The following UGT2B17 variants were observed in gnomAD, a reference collection of about 807,000 sequenced individuals.
The protein encoded by UGT2B17 is UDP glucuronosyltransferase family 2 member B17.
UGT2B17 carries 21 observed loss-of-function variants against 48.2 expected under a neutral mutation model. The observed-to-expected ratio is 0.44, with a 90% confidence interval of 0.31 to 0.63. The LOEUF (loss-of-function observed/expected upper bound fraction) is 0.63, where lower values mean the gene tolerates loss of function less well. Ranked by LOEUF, UGT2B17 falls within the 20% of genes least tolerant of loss-of-function variation. UGT2B17 has a pLI of 0.08. For synonymous variants in UGT2B17, 146 were observed against 238.4 expected (o/e 0.61, Z 3.57); for missense variants, 402 against 696.1 (o/e 0.58, Z 4.75).
rs1392624532 is a variant in UGT2B17, at chr4:68,548,527, T to A, written c.1313+2150A>T. On this transcript the variant is annotated intron_variant, in intron 6 of 6. Coordinates refer to ENST00000317746, the MANE Select transcript of UGT2B17 (RefSeq NM_001077.4). The stretch of plus-strand genomic sequence containing the variant: ...CCAACATGGCACATGTATACATATG[T>A]AGCAAAGCTGCACCTTGTGCACAGA... 1.6e-5 allele frequency among the ~76,000 whole-genome samples: 2 copies of A among 125,000 alleles called. 1 individual carries two copies. The allele number at this position is 125,000 out of a possible 152,430, so 82.0% of individuals were successfully genotyped here.
At chr4:68,557,088 G>T (rs1731016283) in intron 4 of UGT2B17, among the ~76,000 whole-genome samples, 1 of 124,364 alleles carries the variant, frequency 8.0e-6, no homozygotes, top group African/African-American at 2.7e-5. Flanking sequence ...TATGTTATTG[G>T]CATGTGTTCC....
At chr4:68,537,973 A>G in intron 6 of UGT2B17, 69 bp from the exon 7 acceptor site, 1 of 1,113,684 alleles carries the variant, frequency 9.0e-7, no homozygotes, top group Non-Finnish European at 1.2e-6. Flanking sequence ...AAGTCTATGG[A>G]TGGTCTTTGA....
chr4:68,558,039 T>C lies in UGT2B17; in HGVS notation c.1005+2498A>G, dbSNP rs1731033605. ...TTGCCTCAGCTTTAAAAAAGTCCTA[T>C]CTGAGATTCTTTCTATAAGACAAAG... On this transcript the variant is annotated intron_variant, in intron 4 of 6. Coordinates refer to ENST00000317746, the MANE Select transcript of UGT2B17 (RefSeq NM_001077.4). Among the ~76,000 whole-genome samples, 5 of 124,454 alleles carry C rather than the reference T, an allele frequency of 4.0e-5. 2 individuals are homozygous for C. In the South Asian group the frequency reaches 1.9e-3, roughly 47 times the overall value. The allele number at this position is 124,454 out of a possible 152,430, so 81.6% of individuals were successfully genotyped here.
At chr4:68,562,871 C>A (rs1392160630) in intron 3 of UGT2B17, among the ~76,000 whole-genome samples, 1 of 125,978 alleles carries the variant, frequency 7.9e-6, no homozygotes, top group African/African-American at 2.7e-5. Flanking sequence ...TTGTTCTACT[C>A]ATCATTCTGT....
rs1473733749 is a variant in UGT2B17 at position 68,553,585 on chromosome 4, T to C, written c.1006-1674A>G. Among the ~76,000 whole-genome samples, 4 of 125,322 alleles carry C rather than the reference T, an allele frequency of 3.2e-5. 1 individual carries two copies. The highest frequency in any genetic ancestry group is 6.8e-5 in the Non-Finnish European group (4 of 59,132). 82.2% of individuals were successfully genotyped at this position (125,322 alleles called of 152,430 possible). A position where few individuals can be genotyped will look rare whatever the true frequency, so the allele number is the denominator to read the frequency against. On this transcript the variant is annotated intron_variant, in intron 4 of 6. Transcript: ENST00000317746. Reference sequence around the variant, plus strand: ...TGACCTGATCTCTTTGGCTTCGAGATTACCACAGATTACCTTGTACTGTGA... The same window carrying C: ...TGACCTGATCTCTTTGGCTTCGAGACTACCACAGATTACCTTGTACTGTGA...
intron 3 of UGT2B17, among the ~76,000 whole-genome samples, chr4:68,561,665 G>T (rs1731105639): frequency 8.2e-6 from 1 of 122,384 alleles, no homozygotes; most frequent in Admixed American, 8.5e-5. Flanking sequence ...TGAAGCTCCT[G>T]GTAAATATGT....
At position 68,547,495 on chromosome 4, in the gene UGT2B17, C is replaced by T. The variant is rs1250439705; in HGVS notation, c.1313+3182G>A. Among the ~76,000 whole-genome samples the T allele has an allele frequency of 1.6e-5, 2 of 124,270 alleles. 1 individual carries two copies. Among genetic ancestry groups the T allele is most frequent in the East Asian group, 1.6e-3 (2 of 1,262 alleles). 81.5% of individuals were successfully genotyped at this position (124,270 alleles called of 152,430 possible). A position where few individuals can be genotyped will look rare whatever the true frequency, so the allele number is the denominator to read the frequency against. ...CTCTAGAAGAAAACCTAGGCAATAC[C>T]ATTCAGGACATAGGCATGGGCAAGG... On this transcript the variant is annotated intron_variant, in intron 6 of 6. Coordinates refer to ENST00000317746, the MANE Select transcript of UGT2B17 (RefSeq NM_001077.4).
In UGT2B17 at chr4:68,554,474, T is replaced by C. The variant is rs1730967688; in HGVS notation, c.1006-2563A>G. On this transcript the variant is annotated intron_variant, in intron 4 of 6. Transcript: ENST00000317746. ...TTTATTCTTGCTTTAAATTTGCTTT[T>C]ATTTTTCTATTAAGTTAAAAACCAC... Among the ~76,000 whole-genome samples the C allele has an allele frequency of 1.6e-5, 2 of 125,892 alleles. 1 individual carries two copies. Among genetic ancestry groups the C allele is most frequent in the Non-Finnish European group, 3.4e-5 (2 of 59,546 alleles). 82.6% of individuals were successfully genotyped at this position (125,892 alleles called of 152,430 possible).
At chr4:68,567,074 T>A (rs1731213814) in intron 2 of UGT2B17, among the ~76,000 whole-genome samples, 1 of 125,958 alleles carries the variant, frequency 7.9e-6, no homozygotes, top group Admixed American at 8.2e-5. Context: ...TTTATTGACA[T>A]AGAGATATGT....
chr4:68,562,872 A>T lies in UGT2B17; in HGVS notation c.874-2204T>A, dbSNP rs1207687185. Among the ~76,000 whole-genome samples the T allele has an allele frequency of 2.4e-5, 3 of 126,024 alleles. 1 individual carries two copies. The allele number at this position is 126,024 out of a possible 152,430, so 82.7% of individuals were successfully genotyped here. On this transcript the variant is annotated intron_variant, in intron 3 of 6. Coordinates refer to ENST00000317746, the MANE Select transcript of UGT2B17 (RefSeq NM_001077.4). Reference sequence around the variant, plus strand: ...AAAAAATTGTGATCTTGTTCTACTCATCATTCTGTTCCTTAGTTTCCAACT... The same window carrying T: ...AAAAAATTGTGATCTTGTTCTACTCTTCATTCTGTTCCTTAGTTTCCAACT...
rs1436370515 is a variant in UGT2B17 at position 68,549,086 on chromosome 4, T to G, written c.1313+1591A>C. Among the ~76,000 whole-genome samples the G allele has an allele frequency of 1.6e-5, 2 of 125,358 alleles. 1 individual carries two copies. The highest frequency in any genetic ancestry group is 3.4e-5 in the Non-Finnish European group (2 of 59,468). 82.2% of individuals were successfully genotyped at this position (125,358 alleles called of 152,430 possible). On this transcript the variant is annotated intron_variant, in intron 6 of 6. Transcript: ENST00000317746. ...GTTTTCTAACCTGTTTTCTGTTTCT[T>G]TGCTTTTTTACTTTATTTGAAGTAT...
Position 68,568,384 on chromosome 4 carries a change from C to G in UGT2B17, c.101G>C (p.Ser34Thr). 1 of 1,380,248 alleles carries G rather than the reference C, an allele frequency of 7.2e-7. No individual in the cohort carries two copies. Among genetic ancestry groups the G allele is most frequent in the Non-Finnish European group, 9.5e-7 (1 of 1,055,274 alleles). The allele number at this position is 1,380,248 out of a possible 1,614,324, so 85.5% of individuals were successfully genotyped here. Residue 34 changes from serine to threonine, a missense_variant, in exon 2 of 7, where the codon AGC becomes ACC. Ser to Thr is a moderately conservative substitution (Grantham distance 58). Around this residue, in one of 5 missense-constraint regions of UGT2B17, gnomAD observed 51 missense variants for 108.7 expected, o/e 0.47. Coordinates refer to ENST00000317746, the MANE Select transcript of UGT2B17 (RefSeq NM_001077.4). ...GATTGTCTTCATATTTATCCAATGG[C>G]TGTATTCTGTGGGCCACACCAGCAC... ...GKVLVWPTEYSHWINMKTILE... is the reference protein window; with the variant it reads ...GKVLVWPTEYTHWINMKTILE...
rs1207821333 is a variant in UGT2B17 at position 68,557,514 on chromosome 4, C to CTTTGT, written c.1005+3018_1005+3022dup. Among the ~76,000 whole-genome samples, 2 of 121,584 alleles carry CTTTGT rather than the reference C, an allele frequency of 1.6e-5. 1 individual carries two copies. The highest frequency in any genetic ancestry group is 1.7e-4 in the Admixed American group (2 of 11,942). The allele number at this position is 121,584 out of a possible 152,430, so 79.8% of individuals were successfully genotyped here. A position where few individuals can be genotyped will look rare whatever the true frequency, so the allele number is the denominator to read the frequency against. ...GACTTTGCTTAAAACATTGCTGATCCTTTGTTTTGTTTTGTTTTTTTTTTT... is the reference window on the plus strand; with the variant it reads ...GACTTTGCTTAAAACATTGCTGATCCTTTGTTTTGTTTTGTTTTGTTTTTTTTTTT... On this transcript the variant is annotated intron_variant, in intron 4 of 6. Transcript: ENST00000317746.
At position 68,554,898 on chromosome 4, in the gene UGT2B17, G is replaced by A. The variant is rs1011255160; in HGVS notation, c.1006-2987C>T. On this transcript the variant is annotated intron_variant, in intron 4 of 6. Transcript: ENST00000317746. ...AGGAGTTTTTATAAACCTGTAAGAT[G>A]TACTTCTGTTGGCATGCTTACTACA... Among the ~76,000 whole-genome samples, 5 of 125,016 alleles carry A rather than the reference G, an allele frequency of 4.0e-5. 2 individuals are homozygous for A. Among genetic ancestry groups the A allele is most frequent in the Non-Finnish European group, 5.1e-5 (3 of 59,200 alleles). 82.0% of individuals were successfully genotyped at this position (125,016 alleles called of 152,430 possible). A position where few individuals can be genotyped will look rare whatever the true frequency, so the allele number is the denominator to read the frequency against.
chr4:68,543,188 C>A (rs1355201799), intron 6 of UGT2B17, among the ~76,000 whole-genome samples: 2 of 125,834 alleles, frequency 1.6e-5, no homozygotes, highest in Admixed American at 8.1e-5. Context: ...AGGCACCCCC[C>A]AGTAGGGGCA....
chr4:68,557,705 A>G (rs1731027762), intron 4 of UGT2B17, among the ~76,000 whole-genome samples: 3 of 127,658 alleles, frequency 2.4e-5, no homozygotes, highest in Non-Finnish European at 1.7e-5. Context: ...TTATTTGCAT[A>G]AGTGCAATAA....
chr4:68,571,099 C>T (rs1236825474), intron 1 of UGT2B17, among the ~76,000 whole-genome samples: 4 of 125,078 alleles, frequency 3.2e-5, no homozygotes, highest in Non-Finnish European at 6.7e-5. Context: ...CAGCTTGTAA[C>T]CATATGATTC....
intron 4 of UGT2B17, among the ~76,000 whole-genome samples, chr4:68,559,281 A>G (rs1731059904): frequency 7.9e-6 from 1 of 126,356 alleles, no homozygotes; most frequent in Non-Finnish European, 1.7e-5. Context: ...TAGTAAATTC[A>G]GACTATTATC....
rs187393351 is a variant in UGT2B17, at chr4:68,540,809, C to T, written c.1314-2905G>A. On this transcript the variant is annotated intron_variant, in intron 6 of 6. Coordinates refer to ENST00000317746, the MANE Select transcript of UGT2B17 (RefSeq NM_001077.4). ...ATACTCTCACTCCCATTCCATGCCC[C>T]GAATGGCCCCGGTGTGTTTTGCTCC... Among the ~76,000 whole-genome samples the T allele has an allele frequency of 3.1e-4, 39 of 124,366 alleles. 11 individuals are homozygous for T. The highest frequency in any genetic ancestry group is 8.0e-4 in the African/African-American group (29 of 36,402). 81.6% of individuals were successfully genotyped at this position (124,366 alleles called of 152,430 possible).
Sources: gnomAD v4.1 joint callset for allele counts (sites outside exome capture counted in the v4.1 genomes callset) on GRCh38, gnomAD v4.1.1 for gene constraint, gnomAD v4.1.1 regional missense constraint, MANE v1.5 for transcripts, NCBI Gene and HGNC (gene_info 2026-07-23, HGNC 2026-07-21) for gene names.